Variants in CERKL observed in about 807,000 individuals in gnomAD.
CERKL encodes ceramide kinase-like protein.
A neutral mutation model predicts 63.4 loss-of-function variants in CERKL; 61 were observed. That is an observed-to-expected ratio of 0.96 (90% CI 0.78 to 1.19). The LOEUF is 1.19. Among genes scored for constraint, CERKL ranks in the 50% most tolerant of loss-of-function variants. The pLI is 0.00. For synonymous variants in CERKL, 250 were observed against 230.5 expected (o/e 1.08, Z -0.77); for missense variants, 675 against 655.5 (o/e 1.03, Z -0.33).
At position 181,656,946 on chromosome 2, in the gene CERKL, C is replaced by T; in HGVS notation, c.61G>A (p.Ala21Thr). The T allele has an allele frequency of 6.3e-7, 1 of 1,586,464 alleles. No homozygotes were observed. Among genetic ancestry groups the T allele is most frequent in the Non-Finnish European group, 8.6e-7 (1 of 1,166,024 alleles). Reference sequence around the variant, plus strand: ...GGCACAGCGGCAGCCTCCGGGGGCGCCTCTTCCTCCCGGCCGCCCTCCAGG... The same window carrying T: ...GGCACAGCGGCAGCCTCCGGGGGCGTCTCTTCCTCCCGGCCGCCCTCCAGG... ...SALEGGREEE[A>T]PPEAAAVPPA... Residue 21 changes from alanine to threonine, a missense_variant, in exon 1 of 13, where the codon GCG becomes ACG. Ala to Thr is a moderately conservative substitution (Grantham distance 58). Transcript: ENST00000410087.
At chr2:181,582,906 T>A (rs545125564) in intron 2 of CERKL, among the ~76,000 whole-genome samples, 122 of 152,212 alleles carry the variant, frequency 8.0e-4, no homozygotes, top group African/African-American at 2.8e-3. Flanking sequence ...ATATTCTGAC[T>A]TTCCCACCAA....
rs539773990 is a variant in CERKL, at chr2:181,544,784, T to G, written c.1281A>C (p.Gly427=). ...TTCGGGCAATTATAAGAGCCATACT[T>G]CCATTATTTAATCTGAAATTAAATA... ...GLAPNTRLNN[G]SMALIIARNT... Residue 427 remains glycine, a synonymous_variant, in exon 11 of 13, where the codon GGA becomes GGC. Transcript: ENST00000410087. The G allele has an allele frequency of 1.3e-6, 2 of 1,595,224 alleles. No homozygotes were observed. Among genetic ancestry groups the G allele is most frequent in the South Asian group, 2.2e-5 (2 of 89,166 alleles).
intron 1 of CERKL, among the ~76,000 whole-genome samples, chr2:181,633,173 G>A (rs1359787865): frequency 6.6e-6 from 1 of 152,208 alleles, no homozygotes; most frequent in African/African-American, 2.4e-5. Flanking sequence ...ACTGAGCCAT[G>A]AAAGGTGCCA....
chr2:181,581,614 T>C (rs1402075941), intron 2 of CERKL, among the ~76,000 whole-genome samples: 1 of 152,190 alleles, frequency 6.6e-6, no homozygotes, highest in African/African-American at 2.4e-5. Flanking sequence ...GACAGAAACA[T>C]GGTGGGCAGG....
chr2:181,585,240 T>C (rs1191988493), intron 2 of CERKL, among the ~76,000 whole-genome samples: 1 of 152,144 alleles, frequency 6.6e-6, no homozygotes, highest in Non-Finnish European at 1.5e-5. Context: ...ATGATTCTGC[T>C]CTCTGCTATG....
chr2:181,570,089 T>C (rs776548244), intron 3 of CERKL, among the ~76,000 whole-genome samples: 4 of 152,192 alleles, frequency 2.6e-5, no homozygotes, highest in Non-Finnish European at 5.9e-5. Context: ...AATGGTTTTA[T>C]AAGCAAAGGA....
intron 2 of CERKL, among the ~76,000 whole-genome samples, chr2:181,574,290 T>C (rs1410671053): frequency 6.6e-6 from 1 of 152,206 alleles, no homozygotes; most frequent in African/African-American, 2.4e-5. Flanking sequence ...TAGCTAAATG[T>C]GCTCATTATT....
intron 1 of CERKL, among the ~76,000 whole-genome samples, chr2:181,645,840 T>C (rs969298763): frequency 6.6e-6 from 1 of 152,240 alleles, no homozygotes; most frequent in Non-Finnish European, 1.5e-5. Context: ...TTTTTTTTCC[T>C]ATTAGGACAG....
chr2:181,566,223 G>T, intron 3 of CERKL, 102 bp from the exon 4 acceptor site: 1 of 839,686 alleles, frequency 1.2e-6, no homozygotes, highest in Non-Finnish European at 2.0e-6. Context: ...ATATGGTCAA[G>T]TCATAAAACA....
At chr2:181,544,614 G>A (rs973448488) in intron 11 of CERKL, 86 bp downstream of exon 11, 42 of 748,458 alleles carry the variant, frequency 5.6e-5, no homozygotes, top group African/African-American at 5.2e-4. Context: ...CTTCTTATGA[G>A]GCAGGATTCG....
chr2:181,611,128 C>T (rs1685951570), intron 1 of CERKL, among the ~76,000 whole-genome samples: 1 of 151,962 alleles, frequency 6.6e-6, no homozygotes, highest in Non-Finnish European at 1.5e-5. Context: ...GAGGTGGAGG[C>T]AGGAGAATCG....
intron 3 of CERKL, 48 bp from the exon 4 acceptor site, chr2:181,566,169 T>C (rs758985892): frequency 2.8e-6 from 4 of 1,427,966 alleles, no homozygotes; most frequent in African/African-American, 2.8e-5. Flanking sequence ...TTTTAAACAA[T>C]GATCACACTT....
chr2:181,573,814 C>A lies in CERKL; in HGVS notation c.552G>T (p.Gln184His), dbSNP rs1229828374. Reference sequence around the variant, plus strand: ...GAGGTTCAACCTTCTCATAATAAACCTGGGTAGCTTCTTTTTTGTGACTTT... The same window carrying A: ...GAGGTTCAACCTTCTCATAATAAACATGGGTAGCTTCTTTTTTGTGACTTT... ...NPQSHKKEAT[Q>H]VYYEKVEPLL... Residue 184 changes from glutamine (Q) to histidine (H), a missense_variant, in exon 3 of 13, where the codon CAG (glutamine) becomes CAT (histidine). By Grantham distance (24) the Gln-to-His change is conservative. Transcript: ENST00000410087. The A allele has an allele frequency of 1.9e-6, 3 of 1,611,990 alleles. No individual in the cohort carries two copies. The East Asian group carries it at 6.7e-5, about 36-fold the overall frequency.
intron 3 of CERKL, among the ~76,000 whole-genome samples, chr2:181,569,917 G>A (rs1393448638): frequency 6.6e-6 from 1 of 152,124 alleles, no homozygotes; most frequent in Non-Finnish European, 1.5e-5. Context: ...TACAGTTTAT[G>A]CCTAGCACAA....
chr2:181,570,636 C>A (rs1559082827), intron 3 of CERKL, among the ~76,000 whole-genome samples: 1 of 152,056 alleles, frequency 6.6e-6, no homozygotes, highest in African/African-American at 2.4e-5. Flanking sequence ...GGGGATGCAA[C>A]TTTAGCACAA....
intron 2 of CERKL, among the ~76,000 whole-genome samples, chr2:181,600,686 T>A (rs775566037): frequency 2.0e-4 from 30 of 152,302 alleles, no homozygotes; most frequent in Admixed American, 9.2e-4. Context: ...ATGCACTCAA[T>A]GTTGGAGCAC....
chr2:181,628,576 G>T (rs1437103938), intron 1 of CERKL, among the ~76,000 whole-genome samples: 1 of 152,122 alleles, frequency 6.6e-6, no homozygotes, highest in Admixed American at 6.6e-5. Flanking sequence ...TTAGGATTTG[G>T]AATCCTGGAA....
rs776275768 is a variant in CERKL, at chr2:181,582,536, T to G, written c.482-8652A>C. ...GTCAACATATATATATATATATATA[T>G]GTTTTTTTTTTTTGAGATGGAGTCT... On this transcript the variant is annotated intron_variant, in intron 2 of 12. Transcript: ENST00000410087. Among the ~76,000 whole-genome samples the G allele has an allele frequency of 2.9e-3, 425 of 145,822 alleles. 3 individuals are homozygous for G. Among genetic ancestry groups the G allele is most frequent in the African/African-American group, 9.2e-3 (357 of 38,598 alleles).
chr2:181,584,046 T>C (rs1684652396), intron 2 of CERKL, among the ~76,000 whole-genome samples: 1 of 152,200 alleles, frequency 6.6e-6, no homozygotes. Flanking sequence ...CAATTTACTT[T>C]AGAACACATT....
Sources: gnomAD v4.1 joint callset for allele counts (sites outside exome capture counted in the v4.1 genomes callset) on GRCh38, gnomAD v4.1.1 for gene constraint, MANE v1.5 for transcripts, NCBI Gene and HGNC (gene_info 2026-07-23, HGNC 2026-07-21) for gene names.